The following SNRPA variants were observed in gnomAD, a reference collection of about 807,000 sequenced individuals.
The protein encoded by SNRPA is U1 small nuclear ribonucleoprotein A.
In SNRPA, 10 loss-of-function variants were observed where a neutral mutation model predicts 24.5. The ratio of observed to expected loss-of-function variants is 0.41; its 90% CI spans 0.25 to 0.69. The LOEUF (loss-of-function observed/expected upper bound fraction) is 0.69. Among genes scored for constraint, SNRPA ranks in the 30% least tolerant of loss-of-function variants. The pLI, the probability that SNRPA is intolerant of heterozygous loss-of-function variation, is 0.33. For synonymous variants in SNRPA, 165 were observed against 148.4 expected (o/e 1.11, Z -0.81); for missense variants, 283 against 394.7 (o/e 0.72, Z 2.40).
chr19:40,752,224 C>T (rs2082878512), intron 1 of SNRPA, among the ~76,000 whole-genome samples: 1 of 151,944 alleles, frequency 6.6e-6, no homozygotes, highest in South Asian at 2.1e-4. Flanking sequence ...ATAATCCCAG[C>T]TACTCGGGAG....
rs779972251 is a variant in SNRPA, at chr19:40,765,005, C to T, written c.690-3C>T. 3 of 1,558,218 alleles carry T rather than the reference C, an allele frequency of 1.9e-6. No individual in the cohort carries two copies. The highest frequency in any genetic ancestry group is 2.6e-6 in the Non-Finnish European group (3 of 1,154,360). On this transcript the variant is annotated splice_polypyrimidine_tract_variant and splice_region_variant and intron_variant, in intron 5 of 5. Transcript: ENST00000243563. ...GTCCCTGAGGTCTGTCGTTCTCTTT[C>T]AGGTTCCCTGGCTTCAAGGAGGTCC...
At chr19:40,757,624 C>T (rs1330768375) in intron 2 of SNRPA, 120 bp downstream of exon 2, 4 of 908,942 alleles carry the variant, frequency 4.4e-6, no homozygotes, top group South Asian at 1.8e-5. Flanking sequence ...GGACCAGGCT[C>T]CCACTGCACC....
At chr19:40,756,182 T>C (rs1270107440) in intron 1 of SNRPA, among the ~76,000 whole-genome samples, 1 of 151,594 alleles carries the variant, frequency 6.6e-6, no homozygotes, top group Non-Finnish European at 1.5e-5. Flanking sequence ...GGTGGGAAGA[T>C]TGCTTGAGCC....
intron 5 of SNRPA, among the ~76,000 whole-genome samples, chr19:40,764,001 C>T (rs1312538754): frequency 6.6e-6 from 1 of 152,204 alleles, no homozygotes; most frequent in Non-Finnish European, 1.5e-5. Context: ...TGTAAAACTG[C>T]ATTGAGATGT....
chr19:40,758,568 T>C (rs1434979378), intron 2 of SNRPA, among the ~76,000 whole-genome samples: 1 of 152,212 alleles, frequency 6.6e-6, no homozygotes, highest in Non-Finnish European at 1.5e-5. Flanking sequence ...ACTTGCTTAC[T>C]GTGTGTCAGG....
intron 1 of SNRPA, among the ~76,000 whole-genome samples, chr19:40,753,769 C>T (rs1568483910): frequency 6.6e-6 from 1 of 150,952 alleles, no homozygotes; most frequent in East Asian, 2.0e-4. Context: ...ACATAGAACC[C>T]TGGTTTTTTG....
Position 40,755,257 on chromosome 19 carries a change from CTTTTT to C in SNRPA, c.74-2055_74-2051del, listed in dbSNP as rs1004235207. Among the ~76,000 whole-genome samples, 724 of 82,612 alleles carry C rather than the reference CTTTTT, an allele frequency of 8.8e-3. 7 individuals carry two copies. Among genetic ancestry groups the C allele is most frequent in the African/African-American group, 0.033 (658 of 19,878 alleles). The allele number at this position is 82,612 out of a possible 152,430, so 54.2% of individuals were successfully genotyped here. On this transcript the variant is annotated intron_variant, in intron 1 of 5. Transcript: ENST00000243563. ...ACGCCTAGCTAATTTTTTTTCTTTT[CTTTTT>C]TTTTTTTTTTTTTTTTTTTGGCATT...
chr19:40,759,620 G>A lies in SNRPA; in HGVS notation c.426+10G>A. 3 of 1,589,668 alleles carry A rather than the reference G, an allele frequency of 1.9e-6. No homozygotes were observed. Among genetic ancestry groups the A allele is most frequent in the Non-Finnish European group, 2.6e-6 (3 of 1,169,508 alleles). On this transcript the variant is annotated intron_variant, in intron 3 of 5. Coordinates refer to ENST00000243563, the MANE Select transcript of SNRPA (RefSeq NM_004596.5). Reference sequence around the variant, plus strand: ...CCAGGGGCCTGTCCCGGTAAGCCAGGTCCCGGAGACCAACCCTCCCACTGC... The same window carrying A: ...CCAGGGGCCTGTCCCGGTAAGCCAGATCCCGGAGACCAACCCTCCCACTGC...
intron 1 of SNRPA, chr19:40,756,956 G>A (rs2082911118): frequency 4.0e-6 from 1 of 248,934 alleles, no homozygotes; most frequent in African/African-American, 2.3e-5. Context: ...GGAGGGCGGT[G>A]GAATGTGGGC....
chr19:40,754,203 A>G (rs2082898936), intron 1 of SNRPA, among the ~76,000 whole-genome samples: 1 of 148,466 alleles, frequency 6.7e-6, no homozygotes, highest in Non-Finnish European at 1.5e-5. Context: ...TCCCGAATTC[A>G]AGTGATTCTC....
intron 1 of SNRPA, among the ~76,000 whole-genome samples, chr19:40,755,873 T>A (rs976727497): frequency 3.9e-5 from 6 of 152,194 alleles, no homozygotes; most frequent in Admixed American, 3.3e-4. Context: ...TCCAGATTGA[T>A]GCCCTGGGCC....
At chr19:40,751,951 G>A (rs748218277) in intron 1 of SNRPA, among the ~76,000 whole-genome samples, 2 of 152,158 alleles carry the variant, frequency 1.3e-5, no homozygotes, top group Non-Finnish European at 2.9e-5. Context: ...ATCATGGGCT[G>A]GTCTGTGTGC....
At chr19:40,756,070 C>G (rs566399421) in intron 1 of SNRPA, among the ~76,000 whole-genome samples, 1 of 151,950 alleles carries the variant, frequency 6.6e-6, no homozygotes, top group Non-Finnish European at 1.5e-5. Context: ...CCCAGGAGTT[C>G]AAGACCAACC....
At chr19:40,760,275 G>T (rs572063282) in intron 3 of SNRPA, among the ~76,000 whole-genome samples, 1 of 152,270 alleles carries the variant, frequency 6.6e-6, no homozygotes, top group East Asian at 1.9e-4. Context: ...AAAGTGCTAG[G>T]ATTACATGCA....
At chr19:40,762,756 C>A in intron 3 of SNRPA, 145 bp from the exon 4 acceptor site, 1 of 716,474 alleles carries the variant, frequency 1.4e-6, no homozygotes, top group Non-Finnish European at 2.3e-6. Context: ...GTTTGTTTTG[C>A]TCTGTCGGGC....
intron 3 of SNRPA, among the ~76,000 whole-genome samples, chr19:40,761,416 C>A (rs1442236862): frequency 6.8e-6 from 1 of 146,158 alleles, no homozygotes; most frequent in Admixed American, 6.9e-5. Context: ...TGACAACTCA[C>A]AAAATATAGT....
chr19:40,752,356 A>G (rs2082881753), intron 1 of SNRPA, among the ~76,000 whole-genome samples: 2 of 151,896 alleles, frequency 1.3e-5, no homozygotes, highest in Non-Finnish European at 2.9e-5. Context: ...AAGAAAGAAA[A>G]GAAAAAGAAA....
chr19:40,763,226 C>A, intron 4 of SNRPA, 152 bp downstream of exon 4: 1 of 627,110 alleles, frequency 1.6e-6, no homozygotes, highest in Non-Finnish European at 2.8e-6. Context: ...TGGGGGTGGG[C>A]CCTGGGCAGA....
chr19:40,752,039 A>G (rs999430062), intron 1 of SNRPA, among the ~76,000 whole-genome samples: 1 of 152,118 alleles, frequency 6.6e-6, no homozygotes, highest in Non-Finnish European at 1.5e-5. Context: ...CCATTCGTCA[A>G]CTAAGAAACT....
Sources: allele counts gnomAD v4.1 joint callset (sites outside exome capture counted in the v4.1 genomes callset), GRCh38; gene constraint gnomAD v4.1.1; transcripts MANE v1.5; gene names NCBI Gene and HGNC (gene_info 2026-07-23, HGNC 2026-07-21).